GPM6A: variants seen among roughly 807,000 people sequenced by gnomAD.
The protein encoded by GPM6A is neuronal membrane glycoprotein M6-a.
GPM6A carries 7 observed loss-of-function variants against 32.1 expected under a neutral mutation model. The ratio of observed to expected loss-of-function variants is 0.22; its 90% CI spans 0.12 to 0.41. GPM6A has a LOEUF of 0.41. Ranked by LOEUF, GPM6A falls within the 10% of genes least tolerant of loss-of-function variation. The pLI, the probability that GPM6A is intolerant of heterozygous loss-of-function variation, is 1.00. For missense variants in GPM6A, 235 were observed against 347.2 expected (o/e 0.68, Z 2.57); for synonymous variants, 130 against 123.4 (o/e 1.05, Z -0.35).
At chr4:175,639,345 G>GA in intron 6 of GPM6A, among the ~76,000 whole-genome samples, 1 of 152,234 alleles carries the variant, frequency 6.6e-6, no homozygotes, top group African/African-American at 2.4e-5. Flanking sequence ...GCACCATGAG[G>GA]AAAATAATTA....
intron 6 of GPM6A, among the ~76,000 whole-genome samples, chr4:175,638,144 A>G (rs899564021): frequency 3.3e-5 from 5 of 150,792 alleles, no homozygotes; most frequent in African/African-American, 9.7e-5. Flanking sequence ...GTAGAACAGA[A>G]TAAGTTCTTA....
intron 1 of GPM6A, among the ~76,000 whole-genome samples, chr4:176,000,831 A>T (rs1200755063): frequency 6.6e-6 from 1 of 151,988 alleles, no homozygotes; most frequent in Non-Finnish European, 1.5e-5. Context: ...ACAACCAAAT[A>T]AAAAAAAGAG....
intron 1 of GPM6A, among the ~76,000 whole-genome samples, chr4:175,862,297 G>A (rs28628638): frequency 0.34 from 51,476 of 151,976 alleles, 8,683 homozygotes; most frequent in African/African-American, 0.36. Context: ...GACCCCTTGA[G>A]GTCACCCCTT....
chr4:175,913,756 G>A (rs748775941), intron 1 of GPM6A, among the ~76,000 whole-genome samples: 1 of 152,054 alleles, frequency 6.6e-6, no homozygotes, highest in African/African-American at 2.4e-5. Context: ...TTCTCAATGA[G>A]GCCTACTCTG....
intron 4 of GPM6A, among the ~76,000 whole-genome samples, chr4:175,645,681 A>AGC (rs1741422026): frequency 6.6e-6 from 1 of 152,206 alleles, no homozygotes; most frequent in Non-Finnish European, 1.5e-5. Flanking sequence ...AGATGGCGCC[A>AGC]CTGCACTCCA....
intron 1 of GPM6A, among the ~76,000 whole-genome samples, chr4:175,904,843 C>T (rs1738080471): frequency 1.3e-5 from 2 of 152,088 alleles, no homozygotes; most frequent in Admixed American, 6.6e-5. Flanking sequence ...AAGTTATTTT[C>T]AGCATCTTCA....
chr4:175,863,495 G>GT (rs79675826), intron 1 of GPM6A, among the ~76,000 whole-genome samples: 43,785 of 150,558 alleles, frequency 0.29, 6,493 homozygotes, highest in East Asian at 0.36. Context: ...AATGGACTTT[G>GT]TTTTTTTTTA....
intron 1 of GPM6A, among the ~76,000 whole-genome samples, chr4:175,829,194 T>C (rs1001966838): frequency 1.3e-5 from 2 of 152,358 alleles, no homozygotes; most frequent in East Asian, 1.9e-4. Flanking sequence ...CCTTCCAAAG[T>C]GCTGGGAGCC....
chr4:175,990,051 C>T (rs1474984002), intron 1 of GPM6A, among the ~76,000 whole-genome samples: 1 of 152,168 alleles, frequency 6.6e-6, no homozygotes, highest in African/African-American at 2.4e-5. Context: ...TTTTGATATA[C>T]ACAGTTATTT....
At chr4:175,984,454 C>T (rs367683524) in intron 1 of GPM6A, among the ~76,000 whole-genome samples, 4 of 152,106 alleles carry the variant, frequency 2.6e-5, no homozygotes, top group East Asian at 1.9e-4. Context: ...TGAGCCACCG[C>T]GCCCAGCCCT....
rs555722427 is a variant in GPM6A, at chr4:175,679,458, C to T, written c.231-5622G>A. Among the ~76,000 whole-genome samples the T allele has an allele frequency of 3.3e-5, 5 of 152,216 alleles. No individual in the cohort carries two copies. The East Asian group carries it at 9.7e-4, about 29-fold the overall frequency. ...GATTTCTGTACTGTGTACTACTTCT[C>T]TTCCAACTAACAAGCGATCTGTGAG... On this transcript the variant is annotated intron_variant, in intron 2 of 6. Coordinates refer to ENST00000393658, the MANE Select transcript of GPM6A (RefSeq NM_201591.3).
chr4:175,864,605 T>C (rs1374278768), intron 1 of GPM6A, among the ~76,000 whole-genome samples: 3 of 152,182 alleles, frequency 2.0e-5, no homozygotes, highest in Non-Finnish European at 4.4e-5. Flanking sequence ...TTTCACTACT[T>C]CAAGTGTCCT....
At chr4:175,968,474 A>G (rs1284698448) in intron 1 of GPM6A, among the ~76,000 whole-genome samples, 3 of 152,198 alleles carry the variant, frequency 2.0e-5, no homozygotes, top group African/African-American at 7.2e-5. Context: ...GATGCTGTAA[A>G]GAGAATTAAA....
intron 1 of GPM6A, among the ~76,000 whole-genome samples, chr4:175,705,092 G>T (rs1356271385): frequency 6.6e-6 from 1 of 152,146 alleles, no homozygotes; most frequent in East Asian, 1.9e-4. Context: ...CTGCAAGGGG[G>T]ATACTGGAGT....
chr4:175,861,852 T>G (rs1736584980), intron 1 of GPM6A, among the ~76,000 whole-genome samples: 2 of 151,870 alleles, frequency 1.3e-5, no homozygotes, highest in South Asian at 4.1e-4. Flanking sequence ...AATTTAAGGT[T>G]GTTTTCCAAA....
chr4:175,745,919 C>T (rs1205843886), intron 1 of GPM6A, among the ~76,000 whole-genome samples: 2 of 151,990 alleles, frequency 1.3e-5, no homozygotes, highest in African/African-American at 4.8e-5. Context: ...AGAGAGATCA[C>T]GCTGTTTATA....
chr4:175,909,058 A>T, intron 1 of GPM6A, among the ~76,000 whole-genome samples: 1 of 142,376 alleles, frequency 7.0e-6, no homozygotes. Context: ...GGGGGCAACT[A>T]GCTCATAACC....
chr4:175,673,908 G>T, intron 2 of GPM6A, 72 bp from the exon 3 acceptor site: 2 of 941,246 alleles, frequency 2.1e-6, no homozygotes, highest in Non-Finnish European at 3.2e-6. Flanking sequence ...ATTCTCACAT[G>T]CTCATGATTC....
chr4:175,759,429 T>C (rs1385394375), intron 1 of GPM6A, among the ~76,000 whole-genome samples: 1 of 152,240 alleles, frequency 6.6e-6, no homozygotes, highest in East Asian at 1.9e-4. Context: ...TTTACCCTTT[T>C]TCTCCCTTTT....
Sources: gnomAD v4.1 joint callset for allele counts (sites outside exome capture counted in the v4.1 genomes callset) on GRCh38, gnomAD v4.1.1 for gene constraint, MANE v1.5 for transcripts, NCBI Gene and HGNC (gene_info 2026-07-23, HGNC 2026-07-21) for gene names.